The following ACLY variants were observed in gnomAD, a reference collection of about 807,000 sequenced individuals.
ACLY encodes the protein ATP-citrate synthase.
Under a neutral mutation model 133.0 loss-of-function variants are expected in ACLY, and 41 were observed. That is an observed-to-expected ratio of 0.31 (90% confidence interval 0.24 to 0.40). The LOEUF (loss-of-function observed/expected upper bound fraction) is 0.40. Among genes scored for constraint, ACLY ranks in the 10% least tolerant of loss-of-function variants. The pLI is 1.00. For synonymous variants in ACLY, 495 were observed against 549.3 expected (o/e 0.90, Z 1.38); for missense variants, 1,046 against 1,453.8 (o/e 0.72, Z 4.56).
chr17:41,874,574 CTTT>C (rs1172812451), intron 22 of ACLY, among the ~76,000 whole-genome samples: 8 of 130,338 alleles, frequency 6.1e-5, no homozygotes, highest in Non-Finnish European at 3.3e-5. Flanking sequence ...TCCATTGCTT[CTTT>C]TTTTTTTTTT....
upstream of ACLY, among the ~76,000 whole-genome samples, chr17:41,922,040 C>CA (rs1280168073): frequency 9.2e-5 from 14 of 152,008 alleles, no homozygotes; most frequent in African/African-American, 3.4e-4. Context: ...ACTAAAAATA[C>CA]AAAAAATTAG....
intron 16 of ACLY, among the ~76,000 whole-genome samples, chr17:41,888,652 A>T (rs1158713320): frequency 6.6e-6 from 1 of 151,504 alleles, no homozygotes; most frequent in Admixed American, 6.6e-5. Flanking sequence ...TTGGGAGTCT[A>T]AGGCAGGTGG....
At chr17:41,915,541 T>C (rs1851679821) in intron 1 of ACLY, among the ~76,000 whole-genome samples, 1 of 152,128 alleles carries the variant, frequency 6.6e-6, no homozygotes, top group African/African-American at 2.4e-5. Context: ...GTCGGCCTCC[T>C]AGCTAGTATC....
At chr17:41,903,759 A>C (rs1284265245) in intron 10 of ACLY, among the ~76,000 whole-genome samples, 14 of 7,000 alleles carry the variant, frequency 2.0e-3, no homozygotes, top group African/African-American at 2.9e-3. Context: ...CTGTCTCAAA[A>C]AAAAAAAAAA....
intron 22 of ACLY, among the ~76,000 whole-genome samples, chr17:41,875,923 C>A (rs2048734265): frequency 6.8e-6 from 1 of 146,462 alleles, no homozygotes; most frequent in Non-Finnish European, 1.5e-5. Flanking sequence ...ATGTGAGGAG[C>A]CCCTCTGCCT....
chr17:41,921,817 T>G (rs2050186918), upstream of ACLY, among the ~76,000 whole-genome samples: 1 of 151,144 alleles, frequency 6.6e-6, no homozygotes, highest in South Asian at 2.1e-4. Flanking sequence ...AAAAAAAAAT[T>G]AGCTAGGCAT....
exon 1 of ACLY, chr17:41,930,541 G>A (rs1567924979): frequency 1.8e-6 from 1 of 563,226 alleles, no homozygotes; most frequent in East Asian, 3.0e-5. Context: ...GTGCGCGGCA[G>A]AACTGGCGCA....
upstream of ACLY, among the ~76,000 whole-genome samples, chr17:41,920,435 C>G (rs1442018241): frequency 6.6e-6 from 1 of 151,848 alleles, no homozygotes; most frequent in African/African-American, 2.4e-5. Flanking sequence ...ACAAAAAATA[C>G]AAAAATTAGC....
At chr17:41,914,412 C>A (rs1649684042) in intron 1 of ACLY, among the ~76,000 whole-genome samples, 1 of 152,194 alleles carries the variant, frequency 6.6e-6, no homozygotes, top group African/African-American at 2.4e-5. Context: ...CCCAGATTTA[C>A]CCCTATACAC....
At position 41,895,278 on chromosome 17, in the gene ACLY, C is replaced by T. The variant is rs1300097402; in HGVS notation, c.1459+1342G>A. On this transcript the variant is annotated intron_variant, in intron 14 of 28. Transcript: ENST00000352035. ...GAAGCCTGCATCATGTCACCCCCGCCAGGTGACGCACGTGCACATGCCTCT... is the reference window on the plus strand; with the variant it reads ...GAAGCCTGCATCATGTCACCCCCGCTAGGTGACGCACGTGCACATGCCTCT... 2.0e-5 allele frequency among the ~76,000 whole-genome samples: 3 copies of T among 152,244 alleles called. No individual in the cohort carries two copies. In the East Asian group the frequency reaches 5.8e-4, roughly 29 times the overall value.
intron 22 of ACLY, among the ~76,000 whole-genome samples, chr17:41,874,573 TC>T (rs2048682853): frequency 7.2e-6 from 1 of 138,968 alleles, no homozygotes; most frequent in Non-Finnish European, 1.5e-5. Context: ...GTCCATTGCT[TC>T]TTTTTTTTTT....
chr17:41,897,059 G>A (rs1275608425), intron 13 of ACLY, among the ~76,000 whole-genome samples: 2 of 152,194 alleles, frequency 1.3e-5, no homozygotes, highest in African/African-American at 4.8e-5. Context: ...CCAGCATGGG[G>A]TTGACCCGTG....
chr17:41,902,778 G>C (rs1442127872), intron 10 of ACLY, among the ~76,000 whole-genome samples: 1 of 152,202 alleles, frequency 6.6e-6, no homozygotes, highest in Non-Finnish European at 1.5e-5. Context: ...TGTTAAATCA[G>C]GTCCAGTTAT....
At chr17:41,908,515 G>C (rs548545749) in intron 6 of ACLY, among the ~76,000 whole-genome samples, 1 of 152,358 alleles carries the variant, frequency 6.6e-6, no homozygotes, top group Non-Finnish European at 1.5e-5. Context: ...TGTAATCTCA[G>C]CACTTTGAGA....
intron 11 of ACLY, among the ~76,000 whole-genome samples, chr17:41,899,087 C>G (rs2049452596): frequency 6.6e-6 from 1 of 152,036 alleles, no homozygotes; most frequent in Non-Finnish European, 1.5e-5. Context: ...CCAGCCTGGC[C>G]AACGTGGTGA....
intron 17 of ACLY, among the ~76,000 whole-genome samples, chr17:41,887,127 GAAAAAAAAAAAAAAA>G (rs535668437): frequency 0.039 from 4,271 of 110,450 alleles, 155 homozygotes; most frequent in South Asian, 0.11. Context: ...CCGTCTCAAA[GAAAAAAAAAAAAAAA>G]AAAAAAAAAA....
Position 41,929,138 on chromosome 17 carries a change from A to G in ACLY, c.-28+1220T>C, listed in dbSNP as rs544312383. On this transcript the variant is annotated intron_variant, in intron 1 of 3. Transcript: ENST00000592970. ...GAGACAGGGTCTTGCTTTGTTACAC[A>G]GGCTACAATGCAGTGGCCCAAACAT... Among the ~76,000 whole-genome samples the G allele has an allele frequency of 8.2e-5, 12 of 147,208 alleles. No individual in the cohort carries two copies. The South Asian group carries it at 2.6e-3, about 31-fold the overall frequency.
intron 23 of ACLY, among the ~76,000 whole-genome samples, chr17:41,873,477 A>G (rs1597968462): frequency 6.6e-6 from 1 of 152,110 alleles, no homozygotes; most frequent in Non-Finnish European, 1.5e-5. Context: ...CACCGCGCCT[A>G]GCCCATAAGG....
chr17:41,884,335 A>T, intron 18 of ACLY, 61 bp from the exon 19 acceptor site: 1 of 1,107,250 alleles, frequency 9.0e-7, no homozygotes, highest in Non-Finnish European at 1.4e-6. Flanking sequence ...AAGTGTGTAC[A>T]GGGTTAGGAA....
Sources: gnomAD v4.1 joint callset for allele counts (sites outside exome capture counted in the v4.1 genomes callset) on GRCh38, gnomAD v4.1.1 for gene constraint, MANE v1.5 for transcripts, NCBI Gene and HGNC (gene_info 2026-07-23, HGNC 2026-07-21) for gene names.